The following CSMD1 variants were observed in gnomAD, a reference collection of about 807,000 sequenced individuals.
CSMD1 encodes the protein CUB and sushi domain-containing protein 1.
CSMD1 carries 213 observed loss-of-function variants against 417.5 expected under a neutral mutation model. The ratio of observed to expected loss-of-function variants is 0.51; its 90% CI spans 0.46 to 0.57. The LOEUF (loss-of-function observed/expected upper bound fraction) is 0.57, where lower values mean the gene tolerates loss of function less well. Among genes scored for constraint, CSMD1 ranks in the 20% least tolerant of loss-of-function variants. The probability of loss-of-function intolerance (pLI) is 0.00; values close to 1 mark genes in which losing one functional copy is unlikely to be tolerated. For synonymous variants in CSMD1, 2,862 were observed against 1,736.8 expected (o/e 1.65, Z -16.11); for missense variants, 6,923 against 4,529.7 (o/e 1.53, Z -15.17).
intron 1 of CSMD1, among the ~76,000 whole-genome samples, chr8:4,881,582 G>T (rs1334489981): frequency 1.4e-5 from 2 of 146,996 alleles, no homozygotes; most frequent in South Asian, 2.1e-4. Context: ...TATTTTACAA[G>T]CTCAAATTTA....
At chr8:4,026,328 G>T (rs947282801) in intron 4 of CSMD1, among the ~76,000 whole-genome samples, 1 of 152,162 alleles carries the variant, frequency 6.6e-6, no homozygotes, top group Non-Finnish European at 1.5e-5. Context: ...AAATGTAAAT[G>T]TAATAATCTA....
intron 10 of CSMD1, among the ~76,000 whole-genome samples, chr8:3,541,184 G>T (rs1479280320): frequency 6.6e-6 from 1 of 152,216 alleles, no homozygotes; most frequent in African/African-American, 2.4e-5. Context: ...ATACACCATG[G>T]AATGCTATGC....
intron 2 of CSMD1, among the ~76,000 whole-genome samples, chr8:4,504,297 T>C (rs925297773): frequency 1.3e-5 from 2 of 152,240 alleles, no homozygotes; most frequent in East Asian, 1.9e-4. Context: ...GAGAAAAGAA[T>C]GGAGGTTGCC....
At chr8:4,917,571 T>G (rs1806152835) in intron 1 of CSMD1, among the ~76,000 whole-genome samples, 1 of 151,940 alleles carries the variant, frequency 6.6e-6, no homozygotes, top group Non-Finnish European at 1.5e-5. Flanking sequence ...GAAGCGGAGG[T>G]TGCAGTGAGC....
chr8:4,391,350 A>G (rs2128923870), intron 3 of CSMD1, among the ~76,000 whole-genome samples: 1 of 152,268 alleles, frequency 6.6e-6, no homozygotes, highest in African/African-American at 2.4e-5. Flanking sequence ...GAGCTGAGCT[A>G]TGGACTTGCT....
intron 25 of CSMD1, among the ~76,000 whole-genome samples, chr8:3,299,136 C>T (rs989155682): frequency 2.0e-5 from 3 of 152,128 alleles, no homozygotes; most frequent in African/African-American, 4.8e-5. Context: ...GACACAATTC[C>T]ACTAGGTAAA....
intron 3 of CSMD1, among the ~76,000 whole-genome samples, chr8:4,095,905 A>G (rs1365947509): frequency 1.3e-5 from 2 of 152,212 alleles, no homozygotes; most frequent in Admixed American, 6.5e-5. Context: ...TTATACACAC[A>G]TTTTTGTTTC....
chr8:4,163,187 A>G (rs1797266596), intron 3 of CSMD1, among the ~76,000 whole-genome samples: 1 of 152,202 alleles, frequency 6.6e-6, no homozygotes, highest in African/African-American at 2.4e-5. Context: ...TAAACCTTCT[A>G]AAAACATCCC....
At chr8:4,746,306 A>G (rs559128914) in intron 1 of CSMD1, among the ~76,000 whole-genome samples, 104 of 152,310 alleles carry the variant, frequency 6.8e-4, no homozygotes, top group South Asian at 2.9e-3. Context: ...TTTTGAAAGA[A>G]TTCACTCAGA....
chr8:3,141,923 G>C (rs556351716), intron 41 of CSMD1, among the ~76,000 whole-genome samples: 2 of 151,340 alleles, frequency 1.3e-5, no homozygotes, highest in Admixed American at 6.6e-5. Context: ...TCAGCCTCCC[G>C]AGTAGCTGGG....
intron 2 of CSMD1, among the ~76,000 whole-genome samples, chr8:4,498,843 T>G (rs1190734581): frequency 6.6e-6 from 1 of 152,144 alleles, no homozygotes; most frequent in African/African-American, 2.4e-5. Flanking sequence ...GGTAATTGTC[T>G]TTGGTTTCTA....
At chr8:3,916,555 T>C (rs1051634341) in intron 5 of CSMD1, among the ~76,000 whole-genome samples, 3 of 152,182 alleles carry the variant, frequency 2.0e-5, no homozygotes, top group Non-Finnish European at 4.4e-5. Flanking sequence ...TATCCGATTA[T>C]GTATGAAGTA....
At chr8:3,155,834 G>A (rs1000769541) in intron 39 of CSMD1, among the ~76,000 whole-genome samples, 1 of 152,296 alleles carries the variant, frequency 6.6e-6, no homozygotes, top group African/African-American at 2.4e-5. Context: ...AACATAAACA[G>A]ACGTTCTCTC....
intron 6 of CSMD1, among the ~76,000 whole-genome samples, chr8:3,717,092 T>C (rs1264787826): frequency 6.6e-6 from 1 of 152,212 alleles, no homozygotes; most frequent in Non-Finnish European, 1.5e-5. Context: ...GGCTTTACCA[T>C]ATCTCAACAG....
chr8:4,277,623 T>G (rs1358478639), intron 3 of CSMD1, among the ~76,000 whole-genome samples: 1 of 152,216 alleles, frequency 6.6e-6, no homozygotes, highest in Non-Finnish European at 1.5e-5. Flanking sequence ...ATACTTCCCT[T>G]TCTCACAAGG....
At chr8:3,222,191 T>A (rs1798259170) in intron 28 of CSMD1, among the ~76,000 whole-genome samples, 1 of 152,112 alleles carries the variant, frequency 6.6e-6, no homozygotes. Flanking sequence ...GTTTCAAACT[T>A]CCAGAGGGGT....
chr8:4,453,739 G>C (rs79363637), intron 2 of CSMD1, among the ~76,000 whole-genome samples: 21,275 of 149,868 alleles, frequency 0.14, 1,613 homozygotes, highest in South Asian at 0.22. Flanking sequence ...ATCCCCAAAC[G>C]TAATTCCGGG....
At position 4,432,946 on chromosome 8, in the gene CSMD1, G is replaced by A. The variant is rs141425180; in HGVS notation, c.303-12881C>T. ...TGTTGTTTTCACAGCTGCTCCCCAT[G>A]GCTCACGTTACCAGCTGAGCTCCAC... is the stretch of plus-strand genomic sequence containing the variant. On this transcript the variant is annotated intron_variant, in intron 2 of 69. Coordinates refer to ENST00000635120, the MANE Select transcript of CSMD1 (RefSeq NM_033225.6). Among the ~76,000 whole-genome samples the A allele has an allele frequency of 1.1e-4, 16 of 152,288 alleles. No homozygotes were observed. In the East Asian group the frequency reaches 2.9e-3, roughly 28 times the overall value.
intron 6 of CSMD1, among the ~76,000 whole-genome samples, chr8:3,724,572 G>A (rs191404502): frequency 9.9e-5 from 15 of 152,126 alleles, no homozygotes; most frequent in African/African-American, 3.6e-4. Flanking sequence ...CCTTCCTCTG[G>A]GCTGGGAGAG....
Sources: gnomAD v4.1 joint callset for allele counts (sites outside exome capture counted in the v4.1 genomes callset) on GRCh38, gnomAD v4.1.1 for gene constraint, MANE v1.5 for transcripts, NCBI Gene and HGNC (gene_info 2026-07-23, HGNC 2026-07-21) for gene names.